The following STAU2 variants were observed in gnomAD, a reference collection of about 807,000 sequenced individuals.
STAU2 encodes the protein staufen double-stranded RNA binding protein 2.
STAU2 carries 20 observed loss-of-function variants against 65.9 expected under a neutral mutation model. The observed-to-expected ratio is 0.30, with a 90% CI of 0.21 to 0.44. The LOEUF (loss-of-function observed/expected upper bound fraction) is 0.44, where lower values mean the gene tolerates loss of function less well. Ranked by LOEUF, STAU2 falls within the 20% of genes least tolerant of loss-of-function variation. The pLI is 1.00. For missense variants in STAU2, 558 were observed against 683.9 expected, an observed-to-expected ratio of 0.82 and a Z score of 2.05; for synonymous variants, 232 against 233.9, an observed-to-expected ratio of 0.99 and a Z score of 0.07.
In STAU2 at chr8:73,585,889, G is replaced by C. The variant is rs539185684; in HGVS notation, c.1162-3059C>G. On this transcript the variant is annotated intron_variant, in intron 11 of 14. Transcript: ENST00000524300. ...TCCCTCATGTTGCTCTCTTGATGGT[G>C]AATGAGTCTGACAAGATCTGATGGC... Among the ~76,000 whole-genome samples the C allele has an allele frequency of 3.0e-4, 45 of 152,310 alleles. No homozygotes were observed. In the South Asian group the frequency reaches 8.9e-3, roughly 30 times the overall value.
intron 13 of STAU2, among the ~76,000 whole-genome samples, chr8:73,546,170 T>C (rs775550669): frequency 6.2e-5 from 9 of 145,480 alleles, no homozygotes; most frequent in Non-Finnish European, 9.0e-5. Context: ...TTTCACCATG[T>C]TGGCCAGGTT....
chr8:73,510,756 A>G (rs2128923923), intron 13 of STAU2, among the ~76,000 whole-genome samples: 1 of 152,294 alleles, frequency 6.6e-6, no homozygotes, highest in African/African-American at 2.4e-5. Context: ...ACTCACTCAC[A>G]TCATGAGAAC....
intron 4 of STAU2, among the ~76,000 whole-genome samples, chr8:73,699,307 A>G (rs888375410): frequency 1.3e-5 from 2 of 152,074 alleles, no homozygotes; most frequent in Non-Finnish European, 2.9e-5. Flanking sequence ...TTAGTAGAAG[A>G]AAAGAAATAA....
At chr8:73,573,534 C>T (rs60574109) in intron 12 of STAU2, among the ~76,000 whole-genome samples, 15,141 of 152,134 alleles carry the variant, frequency 0.1, 1,163 homozygotes, top group East Asian at 0.44. Flanking sequence ...AAAACAGCAG[C>T]GTACTGGTAC....
intron 12 of STAU2, among the ~76,000 whole-genome samples, chr8:73,581,806 A>C (rs1810005167): frequency 6.6e-6 from 1 of 152,174 alleles, no homozygotes; most frequent in Non-Finnish European, 1.5e-5. Context: ...TGATAATCCA[A>C]GAATTCAATT....
At chr8:73,562,121 T>C (rs755762089) in intron 12 of STAU2, among the ~76,000 whole-genome samples, 3 of 152,234 alleles carry the variant, frequency 2.0e-5, no homozygotes, top group African/African-American at 4.8e-5. Context: ...TGTCAAGATA[T>C]TGAACTTCAT....
At chr8:73,521,364 G>A (rs1169301312) in intron 13 of STAU2, among the ~76,000 whole-genome samples, 1 of 152,104 alleles carries the variant, frequency 6.6e-6, no homozygotes, top group African/African-American at 2.4e-5. Context: ...ACCCTTAAAG[G>A]TGATTTAGCA....
At chr8:73,670,351 A>G (rs930035670) in intron 6 of STAU2, 2 of 152,080 alleles carry the variant, frequency 1.3e-5, no homozygotes, top group Non-Finnish European at 2.9e-5. Flanking sequence ...GGAAGATAGT[A>G]GATACACTCT....
intron 3 of STAU2, chr8:73,728,076 G>T (rs997346774): frequency 6.6e-6 from 1 of 151,906 alleles, no homozygotes; most frequent in African/African-American, 2.4e-5. Flanking sequence ...GTAAGTTTTC[G>T]TTCTTGTATT....
chr8:73,442,908 C>T (rs951213137), intron 13 of STAU2, among the ~76,000 whole-genome samples: 20 of 152,126 alleles, frequency 1.3e-4, no homozygotes, highest in African/African-American at 2.2e-4. Context: ...CAAGATATCA[C>T]GCTAAACTTC....
intron 9 of STAU2, 122 bp from the exon 10 acceptor site, chr8:73,603,985 A>G (rs1811829204): frequency 1.9e-6 from 2 of 1,068,934 alleles, no homozygotes; most frequent in Middle Eastern, 3.2e-4. Context: ...GAAAAGATAA[A>G]TGAGTCATTT....
intron 13 of STAU2, among the ~76,000 whole-genome samples, chr8:73,540,832 T>C (rs1806495041): frequency 6.6e-6 from 1 of 152,196 alleles, no homozygotes; most frequent in African/African-American, 2.4e-5. Context: ...GACTTTTTTT[T>C]TTCCATCTGT....
At chr8:73,458,141 A>G (rs1017178803) in intron 13 of STAU2, among the ~76,000 whole-genome samples, 5 of 152,228 alleles carry the variant, frequency 3.3e-5, no homozygotes, top group Admixed American at 3.3e-4. Context: ...TTTCCTTCCC[A>G]GGAACCTCAC....
intron 9 of STAU2, 106 bp downstream of exon 9, chr8:73,613,638 A>T (rs903390083): frequency 1.2e-6 from 1 of 814,586 alleles, no homozygotes; most frequent in South Asian, 1.9e-5. Flanking sequence ...TCAGGACTGT[A>T]TATAGTCCAT....
rs573777094 is a variant in STAU2, at chr8:73,457,799, A to C, written c.1531-35097T>G. Among the ~76,000 whole-genome samples, 41 of 152,322 alleles carry C rather than the reference A, an allele frequency of 2.7e-4. 1 individual carries two copies. The South Asian group carries it at 8.1e-3, about 30-fold the overall frequency. ...AAAGTACTTAACAGGTAGGGAGTGC[A>C]TGGGCACCAACTGAGCAGAACTAAT... On this transcript the variant is annotated intron_variant, in intron 13 of 14. Transcript: ENST00000524300.
At chr8:73,670,128 G>A (rs530209827) in intron 6 of STAU2, among the ~76,000 whole-genome samples, 14 of 152,190 alleles carry the variant, frequency 9.2e-5, no homozygotes, top group African/African-American at 2.9e-4. Context: ...TAAACATAAA[G>A]GCAATGCGTA....
chr8:73,579,430 C>T (rs1339811261), intron 12 of STAU2, among the ~76,000 whole-genome samples: 2 of 152,122 alleles, frequency 1.3e-5, no homozygotes, highest in African/African-American at 4.8e-5. Context: ...AAACTATGAA[C>T]CTGCTTTTAA....
At chr8:73,721,055 G>A (rs1357849401) in intron 3 of STAU2, among the ~76,000 whole-genome samples, 1 of 148,328 alleles carries the variant, frequency 6.7e-6, no homozygotes, top group African/African-American at 2.5e-5. Flanking sequence ...AGAGGCAGGA[G>A]GATCACCTGA....
Position 73,686,514 on chromosome 8 carries a change from C to A in STAU2, c.274+2140G>T, listed in dbSNP as rs1014013336. ...ACAGTGAGCCGAGATTGCACCACTGCACTCCAGCCTGGTGACAGAGCGAGA... is the reference window on the plus strand; with the variant it reads ...ACAGTGAGCCGAGATTGCACCACTGAACTCCAGCCTGGTGACAGAGCGAGA... On this transcript the variant is annotated intron_variant, in intron 5 of 14. Coordinates refer to ENST00000524300, the MANE Select transcript of STAU2 (RefSeq NM_001164380.2). Among the ~76,000 whole-genome samples, 4 of 150,662 alleles carry A rather than the reference C, an allele frequency of 2.7e-5. No homozygotes were observed. In the East Asian group the frequency reaches 7.8e-4, roughly 29 times the overall value.
Sources: allele counts gnomAD v4.1 joint callset (sites outside exome capture counted in the v4.1 genomes callset), GRCh38; gene constraint gnomAD v4.1.1; transcripts MANE v1.5; gene names NCBI Gene and HGNC (gene_info 2026-07-23, HGNC 2026-07-21).